The following SCTR variants were observed in gnomAD, a reference collection of about 807,000 sequenced individuals.
SCTR encodes the protein pancreatic secretin receptor.
A neutral mutation model predicts 60.8 loss-of-function variants in SCTR; 56 were observed. The observed-to-expected ratio is 0.92, with a 90% CI of 0.74 to 1.15. The LOEUF is 1.15. SCTR is among the 50% of genes most tolerant of loss of function. The pLI, the probability that SCTR is intolerant of heterozygous loss-of-function variation, is 0.00. For synonymous variants in SCTR, 202 were observed against 217.0 expected, an observed-to-expected ratio of 0.93 and a Z score of 0.61; for missense variants, 562 against 550.4, an observed-to-expected ratio of 1.02 and a Z score of -0.21.
intron 2 of SCTR, among the ~76,000 whole-genome samples, chr2:119,484,146 G>T (rs920694386): frequency 2.6e-5 from 4 of 152,106 alleles, no homozygotes; most frequent in Non-Finnish European, 1.5e-5. Flanking sequence ...TGAGATAGGG[G>T]ATGGGGGAGC....
intron 1 of SCTR, among the ~76,000 whole-genome samples, chr2:119,510,535 G>T (rs369964237): frequency 1.3e-5 from 2 of 152,224 alleles, no homozygotes; most frequent in African/African-American, 2.4e-5. Context: ...CTAGAGAAGA[G>T]GGGGAGAGGC....
chr2:119,519,873 A>C (rs1310479005), intron 1 of SCTR, among the ~76,000 whole-genome samples: 1 of 151,306 alleles, frequency 6.6e-6, no homozygotes, highest in Non-Finnish European at 1.5e-5. Context: ...AAAAAAAAAC[A>C]AAAAAGAAGT....
intron 1 of SCTR, among the ~76,000 whole-genome samples, chr2:119,517,411 C>T (rs932700609): frequency 1.3e-5 from 2 of 152,176 alleles, no homozygotes; most frequent in Non-Finnish European, 2.9e-5. Context: ...CCACCTGCCT[C>T]AGCCTCCCCA....
intron 1 of SCTR, among the ~76,000 whole-genome samples, chr2:119,522,997 C>G (rs1342571093): frequency 6.6e-6 from 1 of 152,140 alleles, no homozygotes; most frequent in Non-Finnish European, 1.5e-5. Flanking sequence ...CTTGGGGCTA[C>G]CAGAAAAATG....
At chr2:119,493,641 C>CT (rs35864019) in intron 2 of SCTR, among the ~76,000 whole-genome samples, 84,305 of 133,356 alleles carry the variant, frequency 0.63, 29,635 homozygotes, top group Non-Finnish European at 0.78. Flanking sequence ...CATTCTTCTT[C>CT]TTTTTTTTTT....
intron 7 of SCTR, among the ~76,000 whole-genome samples, chr2:119,460,394 G>C (rs1683554022): frequency 6.6e-6 from 1 of 151,690 alleles, no homozygotes; most frequent in African/African-American, 2.4e-5. Context: ...ATGGATAGAG[G>C]AATGGATGGA....
intron 1 of SCTR, among the ~76,000 whole-genome samples, chr2:119,512,156 T>C (rs185188574): frequency 2.8e-3 from 420 of 152,272 alleles, no homozygotes; most frequent in African/African-American, 9.6e-3. Context: ...AATATTATGT[T>C]TTTAATTTAT....
rs1683198142 is a variant in SCTR at position 119,452,145 on chromosome 2, A to G, written c.852-66T>C. The G allele has an allele frequency of 3.0e-6, 3 of 985,724 alleles. No individual in the cohort carries two copies. In the Admixed American group the frequency reaches 5.9e-5, roughly 19 times the overall value. 61.1% of individuals were successfully genotyped at this position (985,724 alleles called of 1,614,324 possible). A position where few individuals can be genotyped will look rare whatever the true frequency, so the allele number is the denominator to read the frequency against. On this transcript the variant is annotated intron_variant, in intron 8 of 12. Coordinates refer to ENST00000019103, the MANE Select transcript of SCTR (RefSeq NM_002980.3). ...GTGGGAGCTGGGCTAACCAGCAAGGACATGTTCCCTGAGGTGGCCCTTGGT... is the reference window on the plus strand; with the variant it reads ...GTGGGAGCTGGGCTAACCAGCAAGGGCATGTTCCCTGAGGTGGCCCTTGGT...
chr2:119,492,152 A>G (rs1678155153), intron 2 of SCTR, among the ~76,000 whole-genome samples: 1 of 152,218 alleles, frequency 6.6e-6, no homozygotes, highest in Non-Finnish European at 1.5e-5. Flanking sequence ...CCCTGAAGGT[A>G]CAGCAGCCAT....
chr2:119,516,954 G>A (rs558719958), intron 1 of SCTR, among the ~76,000 whole-genome samples: 1 of 152,116 alleles, frequency 6.6e-6, no homozygotes, highest in Non-Finnish European at 1.5e-5. Context: ...GGCAAAAAGA[G>A]CGAAATTCTG....
intron 1 of SCTR, among the ~76,000 whole-genome samples, chr2:119,516,584 AG>A (rs1194341983): frequency 1.3e-5 from 2 of 152,176 alleles, no homozygotes. Context: ...GGAGAGATAT[AG>A]GTCAAAGGGT....
chr2:119,502,817 C>A (rs1169328330), intron 1 of SCTR, among the ~76,000 whole-genome samples: 1 of 144,854 alleles, frequency 6.9e-6, no homozygotes, highest in Admixed American at 6.8e-5. Flanking sequence ...CAGAGTGAGA[C>A]CTCGTCAAAA....
At chr2:119,501,714 A>T (rs1229400753) in intron 1 of SCTR, among the ~76,000 whole-genome samples, 1 of 152,230 alleles carries the variant, frequency 6.6e-6, no homozygotes, top group East Asian at 1.9e-4. Flanking sequence ...GTATACCTGC[A>T]TCGAAATATC....
At chr2:119,516,549 C>T (rs1558884318) in intron 1 of SCTR, among the ~76,000 whole-genome samples, 1 of 151,962 alleles carries the variant, frequency 6.6e-6, no homozygotes, top group Non-Finnish European at 1.5e-5. Flanking sequence ...ATGGTGGTTG[C>T]CAGGGCCTGG....
intron 5 of SCTR, 102 bp downstream of exon 5, chr2:119,465,685 AGT>A (rs1683801522): frequency 1.3e-6 from 1 of 764,080 alleles, no homozygotes; most frequent in Non-Finnish European, 2.3e-6. Context: ...ACGACAAGGT[AGT>A]TCACTCAGAC....
In SCTR at chr2:119,462,743, G is replaced by A. The variant is rs186192752; in HGVS notation, c.637-743C>T. On this transcript the variant is annotated intron_variant, in intron 6 of 12. Coordinates refer to ENST00000019103, the MANE Select transcript of SCTR (RefSeq NM_002980.3). ...GGATGGGACAGCTCCCGGGATAGCC[G>A]TAGGGCTGCTGCAAAGACAAGCCCG... is the stretch of plus-strand genomic sequence containing the variant. Among the ~76,000 whole-genome samples the A allele has an allele frequency of 3.9e-3, 588 of 152,344 alleles. 3 individuals carry two copies. The highest frequency in any genetic ancestry group is 7.0e-3 in the Non-Finnish European group (477 of 68,014).
intron 6 of SCTR, 84 bp downstream of exon 6, chr2:119,464,039 A>G (rs1573830256): frequency 6.9e-6 from 10 of 1,441,248 alleles, no homozygotes; most frequent in African/African-American, 1.4e-5. Flanking sequence ...TGGGGGAAGG[A>G]CAACTAGGCT....
At chr2:119,450,687 G>A (rs574316979) in intron 9 of SCTR, among the ~76,000 whole-genome samples, 2 of 151,852 alleles carry the variant, frequency 1.3e-5, no homozygotes, top group East Asian at 3.9e-4. Context: ...AATACATTTT[G>A]TGCCAGGCAC....
At chr2:119,506,493 TC>T (rs1207438074) in intron 1 of SCTR, among the ~76,000 whole-genome samples, 1 of 151,560 alleles carries the variant, frequency 6.6e-6, no homozygotes, top group Non-Finnish European at 1.5e-5. Flanking sequence ...TATTTATTTA[TC>T]TTTTAGAGAC....
Sources: allele counts gnomAD v4.1 joint callset (sites outside exome capture counted in the v4.1 genomes callset), GRCh38; gene constraint gnomAD v4.1.1; transcripts MANE v1.5; gene names NCBI Gene and HGNC (gene_info 2026-07-23, HGNC 2026-07-21).